Variants in PRKAR1A observed in about 807,000 individuals in gnomAD.
PRKAR1A encodes cAMP-dependent protein kinase type I-alpha regulatory subunit.
PRKAR1A carries 3 observed loss-of-function variants against 52.0 expected under a neutral mutation model. That is an observed-to-expected ratio of 0.06 (90% CI 0.03 to 0.15). The LOEUF (loss-of-function observed/expected upper bound fraction) is 0.15, where lower values mean the gene tolerates loss of function less well. PRKAR1A is among the 10% of genes least tolerant of loss of function. PRKAR1A has a pLI of 1.00. For synonymous variants in PRKAR1A, 188 were observed against 168.4 expected (o/e 1.12, Z -0.90); for missense variants, 240 against 477.4 (o/e 0.50, Z 4.63).
chr17:68,421,819 A>G, the PRKAR1A span: 2 of 1,614,170 alleles, frequency 1.2e-6, no homozygotes, highest in Non-Finnish European at 8.5e-7. Flanking sequence ...GCACAAGATT[A>G]TCTACCAAAA....
chr17:68,424,851 T>C, the PRKAR1A span, among the ~76,000 whole-genome samples: 3 of 152,230 alleles, frequency 2.0e-5, no homozygotes, highest in Admixed American at 6.5e-5. Flanking sequence ...CACTCCAGCC[T>C]GGGTGACAGA....
chr17:68,431,361 G>T, the PRKAR1A span, among the ~76,000 whole-genome samples: 3 of 152,040 alleles, frequency 2.0e-5, no homozygotes, highest in African/African-American at 7.2e-5. Flanking sequence ...AGGATGCTGG[G>T]GACTGAGCAT....
At chr17:68,539,388 C>T (rs770194120) in intron 11 of PRKAR1A, 13 of 1,613,994 alleles carry the variant, frequency 8.1e-6, no homozygotes, top group Middle Eastern at 1.6e-4. Flanking sequence ...ATGGGAGTGT[C>T]GTCCGAACCT....
the PRKAR1A span, among the ~76,000 whole-genome samples, chr17:68,474,203 G>A: frequency 6.6e-6 from 1 of 152,144 alleles, no homozygotes; most frequent in African/African-American, 2.4e-5. Context: ...CAATTCAGCT[G>A]AAAAATGTTA....
At chr17:68,471,547 G>C in the PRKAR1A span, among the ~76,000 whole-genome samples, 1 of 152,140 alleles carries the variant, frequency 6.6e-6, no homozygotes, top group Non-Finnish European at 1.5e-5. Flanking sequence ...AATTCAAAAT[G>C]GCTAAGCCCC....
At chr17:68,492,835 A>T in the PRKAR1A span, among the ~76,000 whole-genome samples, 5 of 152,204 alleles carry the variant, frequency 3.3e-5, no homozygotes, top group Non-Finnish European at 5.9e-5. Context: ...TACAAAGGAC[A>T]TGATCTCATT....
chr17:68,464,930 G>GTTTTT, the PRKAR1A span, among the ~76,000 whole-genome samples: 1 of 143,108 alleles, frequency 7.0e-6, no homozygotes, highest in Non-Finnish European at 1.5e-5. Context: ...GGAAGTGTGG[G>GTTTTT]TTTTTTTTTT....
chr17:68,451,115 T>C, the PRKAR1A span, among the ~76,000 whole-genome samples: 1 of 152,344 alleles, frequency 6.6e-6, no homozygotes, highest in Admixed American at 6.5e-5. Context: ...TTCAGAGTCC[T>C]TTCCAAATAT....
At chr17:68,536,427 A>G (rs1229770858), downstream of PRKAR1A, 1 of 454,030 alleles carries the variant, frequency 2.2e-6, no homozygotes, top group Admixed American at 2.3e-5. Flanking sequence ...TCAGATATCA[A>G]CAAGTCAGGG....
chr17:68,457,303 G>C, the PRKAR1A span: 1 of 1,536,898 alleles, frequency 6.5e-7, no homozygotes, highest in Non-Finnish European at 8.8e-7. Flanking sequence ...CTGACACTCT[G>C]TCCCCCACCT....
At chr17:68,536,744 C>G (rs1292828074), downstream of PRKAR1A, 2 of 449,484 alleles carry the variant, frequency 4.4e-6, no homozygotes, top group Non-Finnish European at 8.9e-6. Context: ...CTTTTTTTTT[C>G]CTTCGTTGTA....
Position 68,531,018 on chromosome 17 carries a change from T to C in PRKAR1A, c.*569T>C. ...TTGCTAATTATCAATGGGATATGAT[T>C]GGTTCAGTTTTTTTTTTTCCAGAGT... On this transcript the variant is annotated 3_prime_UTR_variant, in exon 11 of 11. Coordinates refer to ENST00000589228, the MANE Select transcript of PRKAR1A (RefSeq NM_002734.5). 1 of 1,064,486 alleles carries C rather than the reference T, an allele frequency of 9.4e-7. No homozygotes were observed. The highest frequency in any genetic ancestry group is 1.1e-6 in the Non-Finnish European group (1 of 879,880). 65.9% of individuals were successfully genotyped at this position (1,064,486 alleles called of 1,614,324 possible).
chr17:68,469,336 G>A, the PRKAR1A span, among the ~76,000 whole-genome samples: 1 of 151,918 alleles, frequency 6.6e-6, no homozygotes, highest in Non-Finnish European at 1.5e-5. Context: ...ACCCCCAGGA[G>A]CTTTTTTTTC....
At chr17:68,451,290 C>T in the PRKAR1A span, among the ~76,000 whole-genome samples, 1 of 152,064 alleles carries the variant, frequency 6.6e-6, no homozygotes, top group East Asian at 1.9e-4. Flanking sequence ...AAAAATTAGC[C>T]AGGTATGGTG....
chr17:68,509,254 A>G (rs2085233231), upstream of PRKAR1A, among the ~76,000 whole-genome samples: 1 of 152,154 alleles, frequency 6.6e-6, no homozygotes, highest in Non-Finnish European at 1.5e-5. Context: ...TGGTGCGATC[A>G]TGGCTCACTG....
chr17:68,443,012 C>T, the PRKAR1A span, among the ~76,000 whole-genome samples: 2 of 152,228 alleles, frequency 1.3e-5, no homozygotes, highest in Non-Finnish European at 2.9e-5. Flanking sequence ...TCTTCACGTA[C>T]CGTCTTCCAT....
At chr17:68,424,688 C>T in the PRKAR1A span, 1 of 343,154 alleles carries the variant, frequency 2.9e-6, no homozygotes, top group Admixed American at 4.1e-5. Context: ...CCAGCGTGAC[C>T]AACATGGTGA....
the PRKAR1A span, among the ~76,000 whole-genome samples, chr17:68,424,761 C>G: frequency 6.6e-6 from 1 of 152,166 alleles, no homozygotes; most frequent in African/African-American, 2.4e-5. Flanking sequence ...TCTGTAATTG[C>G]AGCTACTCGG....
At chr17:68,540,006 A>C (rs1278525961) in intron 11 of PRKAR1A, 2 of 1,575,338 alleles carry the variant, frequency 1.3e-6, no homozygotes, top group African/African-American at 2.7e-5. Flanking sequence ...CCAGCAGGCC[A>C]GGGGGACAGG....
Sources: allele counts gnomAD v4.1 joint callset (sites outside exome capture counted in the v4.1 genomes callset), GRCh38; gene constraint gnomAD v4.1.1; transcripts MANE v1.5; gene names NCBI Gene and HGNC (gene_info 2026-07-23, HGNC 2026-07-21).